The following MYH11 variants were observed in gnomAD, a reference collection of about 807,000 sequenced individuals.
MYH11 encodes myosin heavy chain 11, also known as myosin-11.
In MYH11, 80 loss-of-function variants were observed where a neutral mutation model predicts 246.6. The ratio of observed to expected loss-of-function variants is 0.32; its 90% CI spans 0.27 to 0.39. MYH11 has a LOEUF of 0.39. Among genes scored for constraint, MYH11 ranks in the 10% least tolerant of loss-of-function variants. MYH11 has a pLI of 1.00. For synonymous variants in MYH11, 1,071 were observed against 1,015.5 expected (o/e 1.05, Z -1.04); for missense variants, 2,158 against 2,546.8 (o/e 0.85, Z 3.29).
chr16:15,762,162 A>G (rs1165641722), intron 10 of MYH11, among the ~76,000 whole-genome samples: 2 of 152,108 alleles, frequency 1.3e-5, no homozygotes, highest in African/African-American at 2.4e-5. Flanking sequence ...TTTAGTAGAG[A>G]TGGGGTTTCA....
intron 1 of MYH11, among the ~76,000 whole-genome samples, chr16:15,843,553 C>T (rs1470584673): frequency 1.3e-5 from 2 of 150,054 alleles, no homozygotes; most frequent in Non-Finnish European, 3.0e-5. Flanking sequence ...ATTAGCCGGG[C>T]GTGGTGGCGG....
chr16:15,722,765 G>A (rs1436586433), intron 31 of MYH11, among the ~76,000 whole-genome samples: 1 of 152,114 alleles, frequency 6.6e-6, no homozygotes, highest in Non-Finnish European at 1.5e-5. Context: ...TTTGAGACAG[G>A]GTTTTCACTC....
intron 15 of MYH11, among the ~76,000 whole-genome samples, chr16:15,751,821 CAG>C (rs1277541631): frequency 1.3e-5 from 2 of 151,578 alleles, no homozygotes; most frequent in East Asian, 3.9e-4. Flanking sequence ...TTTTTCAAGA[CAG>C]AGTCTTGCTC....
At chr16:15,821,526 C>T (rs903725791) in intron 3 of MYH11, among the ~76,000 whole-genome samples, 2 of 152,048 alleles carry the variant, frequency 1.3e-5, no homozygotes, top group African/African-American at 2.4e-5. Context: ...GAAATGCTTA[C>T]CCATCTGTCG....
intron 40 of MYH11, among the ~76,000 whole-genome samples, chr16:15,704,610 T>C (rs1380161065): frequency 1.3e-5 from 2 of 152,148 alleles, no homozygotes; most frequent in African/African-American, 4.8e-5. Flanking sequence ...GTTTTCAAGA[T>C]TTGAATTGGA....
chr16:15,717,399 G>A (rs376998025), intron 37 of MYH11, 51 bp from the exon 38 acceptor site: 3 of 1,584,474 alleles, frequency 1.9e-6, no homozygotes, highest in African/African-American at 2.7e-5. Context: ...GCCCAAGAGA[G>A]CGCACTGAGA....
At chr16:15,800,565 G>A (rs2042859423) in intron 3 of MYH11, among the ~76,000 whole-genome samples, 1 of 151,676 alleles carries the variant, frequency 6.6e-6, no homozygotes, top group African/African-American at 2.4e-5. Flanking sequence ...GTGAATGGGA[G>A]GGAGGACAGA....
chr16:15,719,083 G>C (rs1020824482), intron 36 of MYH11, 137 bp downstream of exon 36: 5 of 823,280 alleles, frequency 6.1e-6, no homozygotes, highest in Non-Finnish European at 8.0e-6. Flanking sequence ...AGCCAAGATT[G>C]TGCCACTGCC....
intron 3 of MYH11, among the ~76,000 whole-genome samples, chr16:15,812,551 TAAAAAAAAAAAAAA>T (rs71134466): frequency 8.0e-5 from 3 of 37,400 alleles, no homozygotes; most frequent in Admixed American, 5.1e-4. Flanking sequence ...ATCTTATCTC[TAAAAAAAAAAAAAA>T]AAAAAAAAAA....
intron 2 of MYH11, among the ~76,000 whole-genome samples, chr16:15,829,942 C>T (rs2043687399): frequency 6.6e-6 from 1 of 152,084 alleles, no homozygotes; most frequent in Non-Finnish European, 1.5e-5. Context: ...CGAGACCAGC[C>T]CGGCCAACAC....
intron 3 of MYH11, among the ~76,000 whole-genome samples, chr16:15,819,600 G>T (rs990357696): frequency 2.0e-5 from 3 of 152,174 alleles, no homozygotes; most frequent in Admixed American, 1.3e-4. Flanking sequence ...ATCACCCCCA[G>T]ATGGGACCGT....
At chr16:15,718,580 C>G in intron 36 of MYH11, 142 bp from the exon 37 acceptor site, 1 of 1,272,116 alleles carries the variant, frequency 7.9e-7, no homozygotes, top group Non-Finnish European at 1.1e-6. Context: ...GAAGACTCAT[C>G]TGTAGTTACA....
chr16:15,756,788 T>G (rs1374139910), intron 13 of MYH11, among the ~76,000 whole-genome samples: 1 of 138,914 alleles, frequency 7.2e-6, no homozygotes, highest in Non-Finnish European at 1.5e-5. Flanking sequence ...GAAGAGTTCA[T>G]AACTCTTTTT....
chr16:15,822,610 G>C (rs571354636), intron 3 of MYH11, among the ~76,000 whole-genome samples: 1 of 152,186 alleles, frequency 6.6e-6, no homozygotes, highest in Non-Finnish European at 1.5e-5. Context: ...AGCTACTTGG[G>C]AGGCTGAGGC....
intron 9 of MYH11, among the ~76,000 whole-genome samples, chr16:15,770,725 C>T (rs1329921364): frequency 2.0e-5 from 3 of 152,152 alleles, no homozygotes; most frequent in African/African-American, 7.2e-5. Flanking sequence ...CACAACCCTG[C>T]CTATGCTGCA....
At chr16:15,788,342 G>C (rs551472319) in intron 4 of MYH11, among the ~76,000 whole-genome samples, 2 of 151,638 alleles carry the variant, frequency 1.3e-5, no homozygotes, top group Admixed American at 6.6e-5. Flanking sequence ...TAAAATATAA[G>C]AGAGTTTTTT....
intron 9 of MYH11, among the ~76,000 whole-genome samples, chr16:15,766,707 G>A (rs892038161): frequency 2.6e-5 from 4 of 152,156 alleles, no homozygotes; most frequent in Non-Finnish European, 5.9e-5. Context: ...TAAAAATTTT[G>A]AAGGTTGTAG....
chr16:15,833,325 G>C (rs1371057973), intron 2 of MYH11, among the ~76,000 whole-genome samples: 1 of 141,938 alleles, frequency 7.0e-6, no homozygotes. Flanking sequence ...AAAGAAGAAA[G>C]AAAAAAGAAG....
In MYH11 at chr16:15,724,816, A is replaced by G. The variant is rs1046419623; in HGVS notation, c.3964-17T>C. On this transcript the variant is annotated splice_polypyrimidine_tract_variant and intron_variant, in intron 29 of 40. Transcript: ENST00000300036. ...AAGCAGCTCCTGCAAAAGGGATGCA[A>G]AGAGGTCCCAGGGACCTGCCCCGAG... 9 of 1,613,662 alleles carry G rather than the reference A, an allele frequency of 5.6e-6. No individual in the cohort carries two copies. Among genetic ancestry groups the G allele is most frequent in the South Asian group, 5.5e-5 (5 of 91,086 alleles).
Sources: gnomAD v4.1 joint callset for allele counts (sites outside exome capture counted in the v4.1 genomes callset) on GRCh38, gnomAD v4.1.1 for gene constraint, MANE v1.5 for transcripts, NCBI Gene and HGNC (gene_info 2026-07-23, HGNC 2026-07-21) for gene names.